The following ANKS1B variants were observed in gnomAD, a reference collection of about 807,000 sequenced individuals.
ANKS1B encodes the protein ankyrin repeat and sterile alpha motif domain-containing protein 1B.
In ANKS1B, 36 loss-of-function variants were observed where a neutral mutation model predicts 148.3. That is an observed-to-expected ratio of 0.24 (90% CI 0.19 to 0.32). The LOEUF (loss-of-function observed/expected upper bound fraction) is 0.32, where lower values mean the gene tolerates loss of function less well. Among genes scored for constraint, ANKS1B ranks in the 10% least tolerant of loss-of-function variants. ANKS1B has a pLI of 1.00. For synonymous variants in ANKS1B, 542 were observed against 560.8 expected (o/e 0.97, Z 0.47); for missense variants, 1,157 against 1,542.6 (o/e 0.75, Z 4.19).
chr12:99,446,130 T>C (rs1472228538), intron 10 of ANKS1B, among the ~76,000 whole-genome samples: 2 of 147,264 alleles, frequency 1.4e-5, no homozygotes, highest in African/African-American at 5.0e-5. Context: ...AAAAACAGGG[T>C]GGGGTGGGGG....
At chr12:99,723,388 G>A (rs1365296236) in intron 8 of ANKS1B, among the ~76,000 whole-genome samples, 1 of 152,162 alleles carries the variant, frequency 6.6e-6, no homozygotes, top group African/African-American at 2.4e-5. Context: ...ACTGTGGCCA[G>A]AGTGCCTCTT....
At chr12:99,376,594 A>G (rs564414435) in intron 12 of ANKS1B, among the ~76,000 whole-genome samples, 15 of 152,358 alleles carry the variant, frequency 9.8e-5, no homozygotes, top group African/African-American at 3.6e-4. Flanking sequence ...TTGAGAGTTC[A>G]GATTACAGTG....
intron 1 of ANKS1B, among the ~76,000 whole-genome samples, chr12:99,891,395 T>C (rs2093100976): frequency 6.6e-6 from 1 of 152,164 alleles, no homozygotes; most frequent in Non-Finnish European, 1.5e-5. Context: ...TTGTGATTTT[T>C]TTAAAATAGA....
At chr12:98,782,800 C>T (rs2098750271) in intron 22 of ANKS1B, among the ~76,000 whole-genome samples, 1 of 152,120 alleles carries the variant, frequency 6.6e-6, no homozygotes, top group Non-Finnish European at 1.5e-5. Context: ...TTGAAATTCC[C>T]TGGATGCATC....
chr12:99,338,041 G>A (rs1469862008), intron 12 of ANKS1B, among the ~76,000 whole-genome samples: 1 of 152,116 alleles, frequency 6.6e-6, no homozygotes, highest in Non-Finnish European at 1.5e-5. Context: ...TACTGATGAT[G>A]TTCACTCAAG....
At chr12:99,947,519 G>A in intron 1 of ANKS1B, among the ~76,000 whole-genome samples, 1 of 152,092 alleles carries the variant, frequency 6.6e-6, no homozygotes, top group Non-Finnish European at 1.5e-5. Context: ...TAGTGGAGCA[G>A]GAAATAGAAT....
chr12:99,663,450 C>A (rs1375718267), intron 8 of ANKS1B, among the ~76,000 whole-genome samples: 1 of 152,072 alleles, frequency 6.6e-6, no homozygotes, highest in African/African-American at 2.4e-5. Flanking sequence ...GGCTACCCTA[C>A]ACTACCTTTC....
intron 1 of ANKS1B, among the ~76,000 whole-genome samples, chr12:99,901,784 C>A (rs2093609334): frequency 6.6e-6 from 1 of 151,328 alleles, no homozygotes; most frequent in Non-Finnish European, 1.5e-5. Flanking sequence ...ACATTCCCTT[C>A]TTATGGAATG....
chr12:99,144,132 T>C (rs1303649426), intron 15 of ANKS1B, among the ~76,000 whole-genome samples: 2 of 152,142 alleles, frequency 1.3e-5, no homozygotes, highest in Non-Finnish European at 1.5e-5. Flanking sequence ...AAATTGGCTA[T>C]ATTTTTTTTC....
At chr12:99,720,328 G>A (rs1431184454) in intron 8 of ANKS1B, among the ~76,000 whole-genome samples, 4 of 152,154 alleles carry the variant, frequency 2.6e-5, no homozygotes, top group African/African-American at 9.7e-5. Context: ...TTCACTGGAT[G>A]GGTAGAGGCC....
At chr12:99,192,588 TAA>T (rs2080879167) in intron 14 of ANKS1B, among the ~76,000 whole-genome samples, 1 of 152,146 alleles carries the variant, frequency 6.6e-6, no homozygotes, top group African/African-American at 2.4e-5. Context: ...GGCTTATTTC[TAA>T]TAACAACGAA....
At chr12:99,704,294 A>G (rs779388875) in intron 8 of ANKS1B, among the ~76,000 whole-genome samples, 43 of 152,124 alleles carry the variant, frequency 2.8e-4, no homozygotes, top group Non-Finnish European at 5.9e-4. Context: ...CCCCCTGCAT[A>G]GTTTCTGAGA....
intron 17 of ANKS1B, among the ~76,000 whole-genome samples, chr12:98,920,044 C>T (rs973500576): frequency 6.6e-6 from 1 of 152,330 alleles, no homozygotes; most frequent in East Asian, 1.9e-4. Flanking sequence ...AAACAACAGA[C>T]ATTTGTTTTC....
intron 17 of ANKS1B, among the ~76,000 whole-genome samples, chr12:98,839,244 CCAT>C (rs1336644566): frequency 6.6e-6 from 1 of 152,206 alleles, no homozygotes; most frequent in Admixed American, 6.5e-5. Flanking sequence ...CATATAACCA[CCAT>C]GTTATGCAAT....
chr12:99,508,214 G>A (rs113879047), intron 9 of ANKS1B, among the ~76,000 whole-genome samples: 5 of 151,860 alleles, frequency 3.3e-5, no homozygotes, highest in African/African-American at 1.2e-4. Flanking sequence ...TCCTGACAAT[G>A]GACTTTTAAA....
chr12:98,928,610 T>A (rs1274732673), intron 17 of ANKS1B, among the ~76,000 whole-genome samples: 1 of 152,032 alleles, frequency 6.6e-6, no homozygotes. Flanking sequence ...ATCCTGGGAA[T>A]GCAAGATGTA....
chr12:99,560,130 G>C (rs958161274), intron 9 of ANKS1B, among the ~76,000 whole-genome samples: 5 of 152,166 alleles, frequency 3.3e-5, no homozygotes, highest in Admixed American at 1.3e-4. Context: ...TTCTAGGCTA[G>C]AAAGTGGTTT....
intron 1 of ANKS1B, among the ~76,000 whole-genome samples, chr12:99,899,044 G>A (rs2093492324): frequency 6.6e-6 from 1 of 152,144 alleles, no homozygotes; most frequent in Non-Finnish European, 1.5e-5. Context: ...AGTGGCATTG[G>A]TGATAATAAC....
intron 8 of ANKS1B, among the ~76,000 whole-genome samples, chr12:99,665,711 C>G (rs2098503182): frequency 6.6e-6 from 1 of 152,176 alleles, no homozygotes; most frequent in Non-Finnish European, 1.5e-5. Flanking sequence ...TGGTCTCGAT[C>G]TCCTGACCTT....
Sources: gnomAD v4.1 joint callset for allele counts (sites outside exome capture counted in the v4.1 genomes callset) on GRCh38, gnomAD v4.1.1 for gene constraint, MANE v1.5 for transcripts, NCBI Gene and HGNC (gene_info 2026-07-23, HGNC 2026-07-21) for gene names.